The following MED23 variants were observed in gnomAD, a reference collection of about 807,000 sequenced individuals.
MED23 encodes mediator complex subunit 23, also known as mediator of RNA polymerase II transcription subunit 23.
A neutral mutation model predicts 163.9 loss-of-function variants in MED23; 105 were observed. That is an observed-to-expected ratio of 0.64 (90% CI 0.55 to 0.75). The LOEUF (loss-of-function observed/expected upper bound fraction) is 0.75. Ranked by LOEUF, MED23 falls within the 30% of genes least tolerant of loss-of-function variation. The pLI, the probability that MED23 is intolerant of heterozygous loss-of-function variation, is 0.00. For missense variants in MED23, 1,054 were observed against 1,649.0 expected (o/e 0.64, Z 6.25); for synonymous variants, 561 against 565.6 (o/e 0.99, Z 0.12).
chr6:131,594,417 A>T, intron 22 of MED23, 82 bp from the exon 23 acceptor site: 1 of 1,027,202 alleles, frequency 9.7e-7, no homozygotes, highest in South Asian at 1.3e-5. Context: ...TTTCCAGATA[A>T]CTGAAAAACA....
chr6:131,593,231 T>G (rs1011322010), intron 23 of MED23, 60 bp from the exon 24 acceptor site: 69 of 1,598,276 alleles, frequency 4.3e-5, no homozygotes, highest in Non-Finnish European at 5.9e-5. Context: ...ATTTATCTGA[T>G]TATGAGCTGC....
At position 131,587,115 on chromosome 6, in the gene MED23, AC is replaced by A; in HGVS notation, c.*563del. 8.0e-7 allele frequency: 1 copy of A among 1,254,564 alleles called. No individual in the cohort carries two copies. Among genetic ancestry groups the A allele is most frequent in the Non-Finnish European group, 1.0e-6 (1 of 991,638 alleles). The allele number at this position is 1,254,564 out of a possible 1,614,324, so 77.7% of individuals were successfully genotyped here. ...AAACTGCCAGTTGACCTTGATAGAA[AC>A]TATGGAAATTTATAATAAAATTTCA... On this transcript the variant is annotated 3_prime_UTR_variant, in exon 29 of 29. Transcript: ENST00000368068.
At chr6:131,623,860 C>A (rs1777292456) in intron 4 of MED23, among the ~76,000 whole-genome samples, 1 of 152,182 alleles carries the variant, frequency 6.6e-6, no homozygotes, top group South Asian at 2.1e-4. Flanking sequence ...TTGTTAGCAG[C>A]ATCAGACAGA....
chr6:131,581,393 G>T, intron 30 of MED23: 1 of 1,608,620 alleles, frequency 6.2e-7, no homozygotes, highest in East Asian at 2.2e-5. Context: ...AAGACTGGTT[G>T]GTACTCTAGT....
In MED23 at chr6:131,620,671, G is replaced by C; in HGVS notation, c.554C>G (p.Thr185Ser). 3 of 1,613,530 alleles carry C rather than the reference G, an allele frequency of 1.9e-6. No individual in the cohort carries two copies. Among genetic ancestry groups the C allele is most frequent in the Non-Finnish European group, 2.5e-6 (3 of 1,179,700 alleles). Residue 185 changes from threonine to serine, a missense_variant, in exon 7 of 29, where the codon ACT (threonine) becomes AGT (serine). Transcript: ENST00000368068. ...ACLLPAYFAV[T>S]EIRKLYPEGK... The stretch of plus-strand genomic sequence containing the variant: ...TTCAGGATACAGTTTCCTGATCTCA[G>C]TGACTGCAAAATAGGCTGGTAATAA...
chr6:131,579,168 C>T, intron 30 of MED23: 1 of 1,614,060 alleles, frequency 6.2e-7, no homozygotes. Flanking sequence ...AATGACAGTC[C>T]CTTTCAAATT....
At chr6:131,620,782 C>T (rs1192006252) in intron 6 of MED23, 53 bp from the exon 7 acceptor site, 1 of 1,024,090 alleles carries the variant, frequency 9.8e-7, no homozygotes, top group Admixed American at 2.1e-5. Context: ...CATATAAGCC[C>T]TTTATTTTAT....
intron 10 of MED23, among the ~76,000 whole-genome samples, chr6:131,614,266 T>C (rs2749926): frequency 0.35 from 53,041 of 151,990 alleles, 12,585 homozygotes; most frequent in African/African-American, 0.67. Flanking sequence ...GATACTGCTA[T>C]TAGGGTGAGG....
At chr6:131,612,089 C>T (rs1410054103) in intron 10 of MED23, among the ~76,000 whole-genome samples, 1 of 151,770 alleles carries the variant, frequency 6.6e-6, no homozygotes, top group African/African-American at 2.4e-5. Context: ...TCAAGATTAC[C>T]CTTAACTTTT....
At chr6:131,601,272 G>C (rs759115804) in intron 17 of MED23, among the ~76,000 whole-genome samples, 1 of 152,070 alleles carries the variant, frequency 6.6e-6, no homozygotes, top group African/African-American at 2.4e-5. Flanking sequence ...CCAAAACTTA[G>C]ATTTTTCTAA....
chr6:131,624,407 G>A (rs1248389430), intron 4 of MED23, among the ~76,000 whole-genome samples: 2 of 152,204 alleles, frequency 1.3e-5, no homozygotes, highest in Non-Finnish European at 2.9e-5. Context: ...TGAGGTTCCA[G>A]ATGACAGCCA....
rs1777253479 is a variant in MED23 at position 131,623,431 on chromosome 6, T to C, written c.316A>G (p.Thr106Ala). The change falls in exon 5 of 29, where the codon ACT becomes GCT. Residue 106 changes from threonine to alanine, a missense_variant. By Grantham distance (58) the Thr-to-Ala change is moderately conservative. Around this residue, in one of 11 missense-constraint regions of MED23, gnomAD observed 227 missense variants for 235.5 expected, o/e 0.96. Coordinates refer to ENST00000368068, the MANE Select transcript of MED23 (RefSeq NM_004830.4). Reference protein sequence around the residue: ...LVCESLINSDTLEWERTQLWA... With the variant: ...LVCESLINSDALEWERTQLWA... ...AGCTGTGTTCTTTCCCACTCAAGAGTGTCAGAGTTTATCAGGGATTCACAA... is the reference window on the plus strand; with the variant it reads ...AGCTGTGTTCTTTCCCACTCAAGAGCGTCAGAGTTTATCAGGGATTCACAA... 2 of 1,614,078 alleles carry C rather than the reference T, an allele frequency of 1.2e-6. No homozygotes were observed. Among genetic ancestry groups the C allele is most frequent in the Middle Eastern group, 1.6e-4 (1 of 6,062 alleles).
chr6:131,579,340 C>T (rs1773796349), intron 30 of MED23: 1 of 1,582,840 alleles, frequency 6.3e-7, no homozygotes, highest in Non-Finnish European at 8.7e-7. Flanking sequence ...GTAACCAAGG[C>T]CATAAGAAGA....
chr6:131,608,172 T>A (rs1424248452), intron 11 of MED23, 101 bp from the exon 12 acceptor site: 1 of 1,193,726 alleles, frequency 8.4e-7, no homozygotes, highest in East Asian at 2.6e-5. Flanking sequence ...AGGAGAAACC[T>A]GGTTCTTGCT....
At chr6:131,615,184 GT>G in intron 10 of MED23, 4 of 739,156 alleles carry the variant, frequency 5.4e-6, no homozygotes, top group Non-Finnish European at 8.5e-6. Context: ...AGAAGAAATC[GT>G]TTTTTAGTGG....
chr6:131,616,951 T>C (rs1330781686), intron 9 of MED23, among the ~76,000 whole-genome samples: 1 of 152,134 alleles, frequency 6.6e-6, no homozygotes, highest in African/African-American at 2.4e-5. Flanking sequence ...AATTCCCTAT[T>C]TTCCTAGTAA....
In MED23 at chr6:131,593,043, C is replaced by T; in HGVS notation, c.3361G>A (p.Glu1121Lys). 1 of 1,614,234 alleles carries T rather than the reference C, an allele frequency of 6.2e-7. No individual in the cohort carries two copies. The highest frequency in any genetic ancestry group is 8.5e-7 in the Non-Finnish European group (1 of 1,180,026). Residue 1121 changes from glutamate (E) to lysine (K), a missense_variant, in exon 24 of 29, where the codon GAA becomes AAA. By Grantham distance (56) the Glu-to-Lys change is moderately conservative (BLOSUM62 1). Around this residue, in one of 11 missense-constraint regions of MED23, gnomAD observed 362 missense variants for 471.6 expected, o/e 0.77. Coordinates refer to ENST00000368068, the MANE Select transcript of MED23 (RefSeq NM_004830.4). The part of the protein sequence containing the change: ...ELMALAVSGK[E>K]VGNALLNVVL... ...ACATTTAGAAGGGCATTCCCAACTT[C>T]TTTGCCTGAAACTGCCAAGGCCATG...
At chr6:131,616,115 G>A in intron 9 of MED23, 113 bp from the exon 10 acceptor site, 1 of 818,238 alleles carries the variant, frequency 1.2e-6, no homozygotes, top group South Asian at 1.4e-5. Context: ...TCACAGAGTA[G>A]GCAGTATCTA....
chr6:131,586,356 T>C (rs1170376972), downstream of MED23, among the ~76,000 whole-genome samples: 1 of 150,158 alleles, frequency 6.7e-6, no homozygotes, highest in East Asian at 2.0e-4. Flanking sequence ...GCCCAGAGTA[T>C]GCCACTGCAC....
Sources: gnomAD v4.1 joint callset for allele counts (sites outside exome capture counted in the v4.1 genomes callset) on GRCh38, gnomAD v4.1.1 for gene constraint, gnomAD v4.1.1 regional missense constraint, MANE v1.5 for transcripts, NCBI Gene and HGNC (gene_info 2026-07-23, HGNC 2026-07-21) for gene names.